Variants in CCDC82 observed in about 807,000 individuals in gnomAD.
CCDC82 encodes the protein coiled-coil domain containing 82, also known as coiled-coil domain-containing protein 82.
In CCDC82, 47 loss-of-function variants were observed where a neutral mutation model predicts 60.6. The observed-to-expected ratio is 0.77, with a 90% CI of 0.61 to 0.99. The LOEUF is 0.99. CCDC82 is among the 50% of genes least tolerant of loss of function. The pLI is 0.00. For missense variants in CCDC82, 588 were observed against 633.0 expected, an observed-to-expected ratio of 0.93 and a Z score of 0.76; for synonymous variants, 212 against 207.4, an observed-to-expected ratio of 1.02 and a Z score of -0.19.
In CCDC82 at chr11:96,358,983, T is replaced by C. The variant is rs113372501; in HGVS notation, c.1566+10A>G. On this transcript the variant is annotated intron_variant, in intron 9 of 9. Coordinates refer to ENST00000646818, the MANE Select transcript of CCDC82 (RefSeq NM_024725.4). ...ATCTACATGATAAGATTCTCATATATTCACCTTACCTCCTTAATCCAGCCA... is the reference window on the plus strand; with the variant it reads ...ATCTACATGATAAGATTCTCATATACTCACCTTACCTCCTTAATCCAGCCA... 7 of 1,594,010 alleles carry C rather than the reference T, an allele frequency of 4.4e-6. No individual in the cohort carries two copies. The African/African-American group carries it at 9.5e-5, about 22-fold the overall frequency.
intron 5 of CCDC82, among the ~76,000 whole-genome samples, chr11:96,375,955 C>T (rs1865548142): frequency 6.6e-6 from 1 of 152,108 alleles, no homozygotes; most frequent in African/African-American, 2.4e-5. Context: ...GTGCTTTAAT[C>T]CCTATATTGA....
At chr11:96,364,768 C>T (rs11021552) in intron 8 of CCDC82, 56,936 of 461,988 alleles carry the variant, frequency 0.12, 4,093 homozygotes, top group Middle Eastern at 0.17. Context: ...TGACATACTT[C>T]TAACAGAGTC....
At chr11:96,361,987 A>G (rs1864685839) in intron 8 of CCDC82, among the ~76,000 whole-genome samples, 1 of 152,226 alleles carries the variant, frequency 6.6e-6, no homozygotes. Context: ...ATCTGACCTG[A>G]TAAATATGAG....
chr11:96,372,699 A>T (rs1046966436), intron 6 of CCDC82, among the ~76,000 whole-genome samples: 2 of 145,416 alleles, frequency 1.4e-5, no homozygotes, highest in African/African-American at 2.5e-5. Flanking sequence ...AATATATAAA[A>T]ATATATATAT....
chr11:96,364,102 T>C (rs754896114), intron 8 of CCDC82: 1 of 152,164 alleles, frequency 6.6e-6, no homozygotes, highest in Non-Finnish European at 1.5e-5. Flanking sequence ...GGTACAGCAA[T>C]GTATTTGATA....
chr11:96,384,708 T>C lies in CCDC82; in HGVS notation c.40A>G (p.Lys14Glu). ...VRRHETRRNS[K>E]SHVPEQKSRV... ...GATTTCTGCTCAGGCACGTGACTCTTAGAATTTCTCCTTGTTTCATGTCTT... is the reference window on the plus strand; with the variant it reads ...GATTTCTGCTCAGGCACGTGACTCTCAGAATTTCTCCTTGTTTCATGTCTT... Residue 14 changes from lysine to glutamate, a missense_variant, in exon 4 of 10, where the codon AAG becomes GAG. Transcript: ENST00000646818. The C allele has an allele frequency of 1.2e-6, 2 of 1,609,546 alleles. No homozygotes were observed. The highest frequency in any genetic ancestry group is 2.2e-5 in the East Asian group (1 of 44,844).
intron 5 of CCDC82, chr11:96,383,037 A>C (rs938715653): frequency 2.0e-5 from 8 of 394,490 alleles, no homozygotes; most frequent in African/African-American, 1.5e-4. Context: ...ACAATGGTAA[A>C]TATTGACAGG....
In CCDC82 at chr11:96,366,497, ACT is replaced by A; in HGVS notation, c.1210-1349_1210-1348del. On this transcript the variant is annotated intron_variant, in intron 7 of 9. Transcript: ENST00000646818. The stretch of plus-strand genomic sequence containing the variant: ...ACAGGCATGGGTTTTGGAGTCTGAG[ACT>A]CTGGGTTTAATACCAGCCTGTCTAA... Among the ~76,000 whole-genome samples the A allele has an allele frequency of 1.3e-5, 2 of 152,154 alleles. 1 individual carries two copies. Among genetic ancestry groups the A allele is most frequent in the South Asian group, 4.1e-4 (2 of 4,826 alleles).
chr11:96,372,027 C>CT (rs1368984281), intron 6 of CCDC82, among the ~76,000 whole-genome samples: 1 of 152,144 alleles, frequency 6.6e-6, no homozygotes, highest in African/African-American at 2.4e-5. Flanking sequence ...CTTACCATAG[C>CT]TTACAAAGCC....
chr11:96,358,734 C>T, intron 9 of CCDC82: 1 of 1,014,850 alleles, frequency 9.9e-7, no homozygotes. Context: ...AGCGAAAGGA[C>T]AGAGGTCCTT....
intron 9 of CCDC82, chr11:96,357,894 G>C (rs1591159489): frequency 2.0e-6 from 2 of 985,376 alleles, no homozygotes; most frequent in African/African-American, 3.5e-5. Context: ...AAGACAAAAA[G>C]CTGAAAAGAA....
In CCDC82 at chr11:96,389,870, C is replaced by G. The variant is rs1461056585; in HGVS notation, c.-165G>C. ...TTTCAAAGCGCCTCCACCTCTGCCT[C>G]CGCCTCCGCCCCTGCCCCGGCAACC... On this transcript the variant is annotated 5_prime_UTR_variant, in exon 1 of 10. Coordinates refer to ENST00000646818, the MANE Select transcript of CCDC82 (RefSeq NM_024725.4). 6.5e-6 allele frequency: 1 copy of G among 153,266 alleles called. No homozygotes were observed. The highest frequency in any genetic ancestry group is 6.5e-5 in the Admixed American group (1 of 15,306). 9.5% of individuals were successfully genotyped at this position (153,266 alleles called of 1,614,324 possible).
chr11:96,371,256 T>A (rs1298251364), intron 6 of CCDC82, 119 bp from the exon 7 acceptor site: 3 of 652,312 alleles, frequency 4.6e-6, no homozygotes, highest in Non-Finnish European at 6.9e-6. Context: ...GGAAAAAAAA[T>A]ATTTAAAAAA....
At chr11:96,384,819 C>A (rs1866102585) in intron 3 of CCDC82, 58 bp from the exon 4 acceptor site, 1 of 1,022,952 alleles carries the variant, frequency 9.8e-7, no homozygotes, top group Non-Finnish European at 1.4e-6. Context: ...GCAATGAATG[C>A]ATTTATGGTA....
intron 9 of CCDC82, chr11:96,354,741 C>A (rs1478028833): frequency 6.6e-6 from 1 of 152,012 alleles, no homozygotes; most frequent in Non-Finnish European, 1.5e-5. Flanking sequence ...GTTGTTTGTG[C>A]GAGGGAAAGA....
rs79355009 is a variant in CCDC82 at position 96,357,327 on chromosome 11, A to G, written c.1566+1666T>C. On this transcript the variant is annotated intron_variant, in intron 9 of 9. Transcript: ENST00000646818. ...GAAGGTCTTTGGTATTTTCATGGGG[A>G]AAAAAATGTGTATACTGTCCTAGAC... The G allele has an allele frequency of 5.1e-5, 50 of 984,422 alleles. No individual in the cohort carries two copies. In the African/African-American group the frequency reaches 7.2e-4, roughly 14 times the overall value. The allele number at this position is 984,422 out of a possible 1,614,324, so 61.0% of individuals were successfully genotyped here.
intron 2 of CCDC82, chr11:96,386,607 G>A (rs1032853757): frequency 2.6e-5 from 4 of 152,152 alleles, no homozygotes; most frequent in African/African-American, 9.7e-5. Flanking sequence ...GTCTCACTAT[G>A]TCCTGATCTC....
chr11:96,373,454 G>T lies in CCDC82; in HGVS notation c.1005C>A (p.Asp335Glu). 1 of 1,589,256 alleles carries T rather than the reference G, an allele frequency of 6.3e-7. No individual in the cohort carries two copies. ...VKQNSLYSFSDHYTHFERVVK... is the reference protein window; with the variant it reads ...VKQNSLYSFSEHYTHFERVVK... The stretch of plus-strand genomic sequence containing the variant: ...CAACTCTTTCAAAATGAGTATAGTG[G>T]TCACTAAAAGAATCTGAAATTAATT... The change falls in exon 6 of 10, where the codon GAC becomes GAA. Residue 335 changes from aspartate to glutamate, a missense_variant. Coordinates refer to ENST00000646818, the MANE Select transcript of CCDC82 (RefSeq NM_024725.4).
intron 9 of CCDC82, 58 bp downstream of exon 9, chr11:96,358,935 G>A (rs1237198569): frequency 7.4e-7 from 1 of 1,357,578 alleles, no homozygotes; most frequent in East Asian, 2.5e-5. Flanking sequence ...GTTTCCTTTT[G>A]CTGATCATAA....
Sources: gnomAD v4.1 joint callset for allele counts (sites outside exome capture counted in the v4.1 genomes callset) on GRCh38, gnomAD v4.1.1 for gene constraint, MANE v1.5 for transcripts, NCBI Gene and HGNC (gene_info 2026-07-23, HGNC 2026-07-21) for gene names.